The following ACLY variants were observed in gnomAD, a reference collection of about 807,000 sequenced individuals.
ACLY encodes the protein ATP-citrate synthase.
In ACLY, 41 loss-of-function variants were observed where a neutral mutation model predicts 133.0. The ratio of observed to expected loss-of-function variants is 0.31; its 90% CI spans 0.24 to 0.40. The LOEUF (loss-of-function observed/expected upper bound fraction) is 0.40. Ranked by LOEUF, ACLY falls within the 10% of genes least tolerant of loss-of-function variation. The probability of loss-of-function intolerance (pLI) is 1.00; values close to 1 mark genes in which losing one functional copy is unlikely to be tolerated. For missense variants in ACLY, 1,046 were observed against 1,453.8 expected (o/e 0.72, Z 4.56); for synonymous variants, 495 against 549.3 (o/e 0.90, Z 1.38).
At chr17:41,909,907 C>G (rs1286429870) in intron 4 of ACLY, among the ~76,000 whole-genome samples, 2 of 152,210 alleles carry the variant, frequency 1.3e-5, no homozygotes, top group African/African-American at 4.8e-5. Context: ...GCCTCTACCC[C>G]ACTGGCTGGT....
At chr17:41,877,398 C>T (rs2048790849) in intron 22 of ACLY, among the ~76,000 whole-genome samples, 1 of 151,492 alleles carries the variant, frequency 6.6e-6, no homozygotes, top group Non-Finnish European at 1.5e-5. Flanking sequence ...CCACCCTGGC[C>T]TCCCAAAGTG....
chr17:41,919,163 C>T (rs2050138844), upstream of ACLY: 2 of 938,728 alleles, frequency 2.1e-6, no homozygotes, highest in Non-Finnish European at 2.7e-6. Context: ...CTGGCCCATC[C>T]ACCGCCTCTT....
At chr17:41,930,493 C>A in exon 1 of ACLY, 1 of 488,604 alleles carries the variant, frequency 2.0e-6, no homozygotes, top group Non-Finnish European at 3.7e-6. Flanking sequence ...CACTAACCAG[C>A]CCAGCCGTCA....
At chr17:41,878,294 G>T in intron 21 of ACLY, 98 bp from the exon 22 acceptor site, 1 of 740,212 alleles carries the variant, frequency 1.4e-6, no homozygotes, top group Non-Finnish European at 2.0e-6. Context: ...AACACTGTAG[G>T]TTTCTTAGTT....
intron 20 of ACLY, among the ~76,000 whole-genome samples, chr17:41,881,921 G>A (rs187875467): frequency 6.6e-6 from 1 of 152,254 alleles, no homozygotes; most frequent in Admixed American, 6.5e-5. Flanking sequence ...GATATTATAA[G>A]CATTTACTGA....
chr17:41,926,017 G>C (rs190478025), intron 1 of ACLY, among the ~76,000 whole-genome samples: 1 of 151,844 alleles, frequency 6.6e-6, no homozygotes, highest in Non-Finnish European at 1.5e-5. Flanking sequence ...GCTAATTTTT[G>C]TATTTTTGGT....
intron 6 of ACLY, among the ~76,000 whole-genome samples, chr17:41,907,885 T>C (rs1420728453): frequency 1.3e-5 from 2 of 152,152 alleles, no homozygotes; most frequent in African/African-American, 2.4e-5. Flanking sequence ...TATCTAACCA[T>C]GCGCAAACCC....
At chr17:41,905,745 CA>C (rs1555632535) in intron 8 of ACLY, 87 bp from the exon 9 acceptor site, 1 of 1,534,882 alleles carries the variant, frequency 6.5e-7, no homozygotes, top group Non-Finnish European at 9.0e-7. Flanking sequence ...ACGGATCCCT[CA>C]AAACACTGGA....
At chr17:41,873,463 G>T (rs1555625449) in intron 23 of ACLY, among the ~76,000 whole-genome samples, 1 of 152,146 alleles carries the variant, frequency 6.6e-6, no homozygotes, top group Non-Finnish European at 1.5e-5. Flanking sequence ...TGACAGGCGT[G>T]AGCCACCGCG....
chr17:41,909,796 G>T (rs926609592), intron 4 of ACLY, 96 bp from the exon 5 acceptor site: 1 of 1,091,638 alleles, frequency 9.2e-7, no homozygotes, highest in Non-Finnish European at 1.3e-6. Context: ...CATGTACTGG[G>T]AGAGGAAACC....
At chr17:41,890,630 G>T (rs2144301426) in intron 16 of ACLY, among the ~76,000 whole-genome samples, 1 of 151,972 alleles carries the variant, frequency 6.6e-6, no homozygotes, top group South Asian at 2.1e-4. Context: ...GGAGGTTGCG[G>T]TGAGCCGAGA....
At chr17:41,874,294 G>C (rs938805173) in intron 22 of ACLY, among the ~76,000 whole-genome samples, 35 of 152,166 alleles carry the variant, frequency 2.3e-4, no homozygotes, top group Non-Finnish European at 4.4e-4. Context: ...AGGGGGACCA[G>C]AGTCTCTCTG....
intron 1 of ACLY, among the ~76,000 whole-genome samples, chr17:41,916,882 C>T (rs1187562915): frequency 2.0e-5 from 3 of 151,972 alleles, no homozygotes; most frequent in South Asian, 2.1e-4. Context: ...CGGTGGCTTG[C>T]GCCTGTAATC....
intron 1 of ACLY, among the ~76,000 whole-genome samples, chr17:41,928,852 T>A (rs1443415127): frequency 5.1e-3 from 606 of 119,544 alleles, no homozygotes; most frequent in Middle Eastern, 8.1e-3. Context: ...GACTCCACCA[T>A]AAAAAAAAAA....
chr17:41,872,017 G>T lies in ACLY; in HGVS notation c.2793+15C>A. On this transcript the variant is annotated intron_variant, in intron 24 of 28. Coordinates refer to ENST00000352035, the MANE Select transcript of ACLY (RefSeq NM_001096.3). The stretch of plus-strand genomic sequence containing the variant: ...AGTGTCCCCACTGTTCACCTCCCAT[G>T]ATGACAGTACTTACGATGGTGAGCA... 1.2e-6 allele frequency: 2 copies of T among 1,613,744 alleles called. No homozygotes were observed. The highest frequency in any genetic ancestry group is 1.7e-6 in the Non-Finnish European group (2 of 1,179,798).
upstream of ACLY, chr17:41,919,037 C>G (rs782267099): frequency 1.6e-4 from 199 of 1,283,548 alleles, no homozygotes; most frequent in African/African-American, 2.7e-3. Flanking sequence ...AGAACGGCCC[C>G]GCGATTGGCC....
upstream of ACLY, among the ~76,000 whole-genome samples, chr17:41,921,268 A>C (rs1215290236): frequency 6.6e-6 from 1 of 152,118 alleles, no homozygotes; most frequent in Non-Finnish European, 1.5e-5. Context: ...ATTGCACTCC[A>C]GCCTGGGCCA....
intron 18 of ACLY, 103 bp downstream of exon 18, chr17:41,886,009 G>A: frequency 9.0e-7 from 1 of 1,111,564 alleles, no homozygotes. Context: ...ATTCCTGCGG[G>A]CCTGGAACTC....
intron 11 of ACLY, among the ~76,000 whole-genome samples, chr17:41,900,756 C>T (rs1413632794): frequency 6.6e-6 from 1 of 151,774 alleles, no homozygotes; most frequent in Non-Finnish European, 1.5e-5. Context: ...ATATGTGGTT[C>T]CTCTGCTTGA....
Sources: gnomAD v4.1 joint callset for allele counts (sites outside exome capture counted in the v4.1 genomes callset) on GRCh38, gnomAD v4.1.1 for gene constraint, MANE v1.5 for transcripts, NCBI Gene and HGNC (gene_info 2026-07-23, HGNC 2026-07-21) for gene names.